TGS1: variants seen among roughly 807,000 people sequenced by gnomAD.
TGS1 encodes trimethylguanosine synthase.
A neutral mutation model predicts 92.2 loss-of-function variants in TGS1; 69 were observed. That is an observed-to-expected ratio of 0.75 (90% CI 0.62 to 0.91). The LOEUF is 0.91. Ranked by LOEUF, TGS1 falls within the 40% of genes least tolerant of loss-of-function variation. The pLI is 0.00. For missense variants in TGS1, 1,062 were observed against 1,001.2 expected (o/e 1.06, Z -0.82); for synonymous variants, 345 against 338.1 (o/e 1.02, Z -0.22).
intron 5 of TGS1, among the ~76,000 whole-genome samples, chr8:55,790,597 C>T (rs573908117): frequency 6.6e-6 from 1 of 151,912 alleles, no homozygotes; most frequent in East Asian, 1.9e-4. Context: ...AACTCCTCAG[C>T]TCAATTGAAC....
intron 9 of TGS1, among the ~76,000 whole-genome samples, chr8:55,804,492 G>A (rs2130197213): frequency 6.6e-6 from 1 of 152,298 alleles, no homozygotes; most frequent in Non-Finnish European, 1.5e-5. Flanking sequence ...CCAGGCTATT[G>A]CTTCAACCTT....
intron 10 of TGS1, among the ~76,000 whole-genome samples, chr8:55,806,936 C>CTT (rs201823633): frequency 1.4e-5 from 2 of 145,718 alleles, no homozygotes; most frequent in African/African-American, 2.5e-5. Context: ...TTTTTTTTTT[C>CTT]TTTTTTTTTG....
Position 55,801,587 on chromosome 8 carries a change from T to C in TGS1, c.1850-870T>C, listed in dbSNP as rs1298830564. Among the ~76,000 whole-genome samples, 48 of 120,526 alleles carry C rather than the reference T, an allele frequency of 4.0e-4. 1 individual carries two copies. Among genetic ancestry groups the C allele is most frequent in the African/African-American group, 1.6e-3 (46 of 29,522 alleles). 79.1% of individuals were successfully genotyped at this position (120,526 alleles called of 152,430 possible). A position where few individuals can be genotyped will look rare whatever the true frequency, so the allele number is the denominator to read the frequency against. On this transcript the variant is annotated intron_variant, in intron 8 of 12. Transcript: ENST00000260129. ...CTGCGCCCAGCCCCATCGTTCTTTT[T>C]TTTTTTTTTTTTTTTTTTTGAGACA... is the stretch of plus-strand genomic sequence containing the variant.
At chr8:55,823,107 C>CGAAA (rs1451344396) in intron 12 of TGS1, among the ~76,000 whole-genome samples, 2 of 152,174 alleles carry the variant, frequency 1.3e-5, no homozygotes, top group African/African-American at 4.8e-5. Context: ...TTCTCTTGAT[C>CGAAA]TTTCCTCTTA....
intron 8 of TGS1, among the ~76,000 whole-genome samples, chr8:55,799,465 T>C (rs980442145): frequency 3.9e-5 from 6 of 152,186 alleles, no homozygotes; most frequent in African/African-American, 1.4e-4. Context: ...TTGGGAGCAT[T>C]GTGTCTGCAG....
chr8:55,792,285 A>G (rs940281232), intron 5 of TGS1, among the ~76,000 whole-genome samples: 13 of 152,014 alleles, frequency 8.6e-5, no homozygotes, highest in African/African-American at 2.9e-4. Flanking sequence ...TTTCTTTTAA[A>G]ATTTTTTTGG....
At chr8:55,795,101 T>C (rs1332510649) in intron 6 of TGS1, among the ~76,000 whole-genome samples, 1 of 152,226 alleles carries the variant, frequency 6.6e-6, no homozygotes, top group East Asian at 1.9e-4. Flanking sequence ...AAGTTTAGCA[T>C]GTAAAAAGGT....
chr8:55,806,081 C>T (rs1305920041), intron 10 of TGS1, among the ~76,000 whole-genome samples: 1 of 151,408 alleles, frequency 6.6e-6, no homozygotes, highest in African/African-American at 2.4e-5. Context: ...GTAGGCCGGG[C>T]ACGGTGGCTC....
chr8:55,801,586 T>C (rs1411447156), intron 8 of TGS1, among the ~76,000 whole-genome samples: 3 of 112,414 alleles, frequency 2.7e-5, no homozygotes, highest in African/African-American at 1.1e-4. Flanking sequence ...ATCGTTCTTT[T>C]TTTTTTTTTT....
At chr8:55,820,688 A>C (rs1399103923) in intron 12 of TGS1, among the ~76,000 whole-genome samples, 1 of 152,204 alleles carries the variant, frequency 6.6e-6, no homozygotes, top group Admixed American at 6.5e-5. Context: ...CCTGATGTCA[A>C]ATCTAGTCAA....
rs144255211 is a variant in TGS1, at chr8:55,786,882, A to G, written c.984A>G (p.Ser328=). The change falls in exon 4 of 13, where the codon TCA becomes TCG. Residue 328 remains serine, a synonymous_variant. Coordinates refer to ENST00000260129, the MANE Select transcript of TGS1 (RefSeq NM_024831.8). ...LDGISNIKLN[S]EEVTQSQLDS... ...GAATTAGTAACATAAAACTGAATTC[A>G]GAGGAAGTAACACAGAGCCAATTAG... 7 of 1,614,078 alleles carry G rather than the reference A, an allele frequency of 4.3e-6. No individual in the cohort carries two copies. Among genetic ancestry groups the G allele is most frequent in the African/African-American group, 1.3e-5 (1 of 74,948 alleles).
In TGS1 at chr8:55,798,906, A is replaced by C. The variant is rs1196907476; in HGVS notation, c.1543-8A>C. 6.3e-7 allele frequency: 1 copy of C among 1,585,486 alleles called. No homozygotes were observed. The highest frequency in any genetic ancestry group is 1.2e-5 in the South Asian group (1 of 86,188). ...ATTCCTGCTCATGATGTCATCTTAA[A>C]ATTTAAGGTAGAAAAATTCCTCACA... is the stretch of plus-strand genomic sequence containing the variant. On this transcript the variant is annotated splice_polypyrimidine_tract_variant and splice_region_variant and intron_variant, in intron 7 of 12. Coordinates refer to ENST00000260129, the MANE Select transcript of TGS1 (RefSeq NM_024831.8).
At chr8:55,824,525 G>T (rs571850305) in intron 12 of TGS1, 56 bp from the exon 13 acceptor site, 1 of 1,605,344 alleles carries the variant, frequency 6.2e-7, no homozygotes, top group East Asian at 2.2e-5. Context: ...ACAAGTGAAA[G>T]ACTTTTGAAA....
At chr8:55,774,728 A>G (rs376853340) in intron 1 of TGS1, among the ~76,000 whole-genome samples, 9 of 152,200 alleles carry the variant, frequency 5.9e-5, no homozygotes, top group African/African-American at 2.2e-4. Context: ...AACTGGTTAC[A>G]TTATTACTTG....
At chr8:55,804,307 A>T (rs1812301511) in intron 9 of TGS1, among the ~76,000 whole-genome samples, 3 of 152,140 alleles carry the variant, frequency 2.0e-5, no homozygotes, top group Non-Finnish European at 4.4e-5. Context: ...TGGGCATGGT[A>T]GCGTGTGCCT....
At chr8:55,793,487 CA>C (rs879329833) in intron 6 of TGS1, among the ~76,000 whole-genome samples, 23 of 151,526 alleles carry the variant, frequency 1.5e-4, no homozygotes, top group Admixed American at 1.5e-3. Context: ...GTGAGACTCT[CA>C]AAAAAAAGAG....
At chr8:55,779,274 G>A (rs1811488621) in intron 1 of TGS1, among the ~76,000 whole-genome samples, 1 of 152,178 alleles carries the variant, frequency 6.6e-6, no homozygotes, top group Non-Finnish European at 1.5e-5. Flanking sequence ...ATACTTGAAA[G>A]TTTTAAGTAA....
In TGS1 at chr8:55,786,336, TGAAGAA is replaced by T. The variant is rs565363610; in HGVS notation, c.441_446del (p.Glu147_Glu148del). On this transcript the variant is annotated inframe_deletion, in exon 4 of 13. Transcript: ENST00000260129. ...TGCAAGAATCTTGGAGAAAAGAATA[TGAAGAA>T]GACGACATTTTGGCTTCAGATGATC... The T allele has an allele frequency of 6.3e-4, 1,016 of 1,610,218 alleles. 13 individuals are homozygous for T. In the South Asian group the frequency reaches 9.3e-3, roughly 15 times the overall value.
intron 5 of TGS1, 106 bp downstream of exon 5, chr8:55,790,405 T>C (rs1057353334): frequency 8.0e-6 from 6 of 746,110 alleles, no homozygotes; most frequent in Non-Finnish European, 1.4e-5. Flanking sequence ...CCAGTAATCA[T>C]GTAAGAAGAG....
Sources: allele counts gnomAD v4.1 joint callset (sites outside exome capture counted in the v4.1 genomes callset), GRCh38; gene constraint gnomAD v4.1.1; transcripts MANE v1.5; gene names NCBI Gene and HGNC (gene_info 2026-07-23, HGNC 2026-07-21).